FOCAD: variants seen among roughly 807,000 people sequenced by gnomAD.
The protein encoded by FOCAD is focadhesin.
FOCAD carries 198 observed loss-of-function variants against 225.6 expected under a neutral mutation model. The ratio of observed to expected loss-of-function variants is 0.88; its 90% CI spans 0.78 to 0.99. The LOEUF (loss-of-function observed/expected upper bound fraction) is 0.99, where lower values mean the gene tolerates loss of function less well. Among genes scored for constraint, FOCAD ranks in the 50% least tolerant of loss-of-function variants. The pLI is 0.00. For missense variants in FOCAD, 2,713 were observed against 2,123.6 expected (o/e 1.28, Z -5.46); for synonymous variants, 897 against 755.0 (o/e 1.19, Z -3.08).
rs143720638 is a variant in FOCAD, at chr9:20,912,901, T to C, written c.2754T>C (p.His918=). Residue 918 remains histidine (H), a synonymous_variant, in exon 23 of 44, where the codon CAT becomes CAC. Transcript: ENST00000338382. Reference sequence around the variant, plus strand: ...GAGAGCTGGAGTTGCAGTTAAAACATGGAAAAGAAGAACCTGAGGAGGTGC... The same window carrying C: ...GAGAGCTGGAGTTGCAGTTAAAACACGGAAAAGAAGAACCTGAGGAGGTGC... ...RLGELELQLK[H]GKEEPEEVQY... is the part of the protein sequence containing the mutation. 38 of 1,613,266 alleles carry C rather than the reference T, an allele frequency of 2.4e-5. No individual in the cohort carries two copies. The African/African-American group carries it at 3.1e-4, about 13-fold the overall frequency.
chr9:20,722,773 T>A (rs1310493349), intron 4 of FOCAD, among the ~76,000 whole-genome samples: 1 of 152,248 alleles, frequency 6.6e-6, no homozygotes, highest in Non-Finnish European at 1.5e-5. Context: ...CATTTATTGG[T>A]TGATCTTGTG....
intron 4 of FOCAD, among the ~76,000 whole-genome samples, chr9:20,733,237 G>T (rs922840460): frequency 6.6e-6 from 1 of 152,064 alleles, no homozygotes; most frequent in Non-Finnish European, 1.5e-5. Context: ...ACATGTTTTT[G>T]TGTCTGTGCT....
chr9:20,801,090 C>T (rs893543281), intron 11 of FOCAD, among the ~76,000 whole-genome samples: 8 of 152,226 alleles, frequency 5.3e-5, no homozygotes, highest in African/African-American at 1.2e-4. Flanking sequence ...ACTTCAGGTG[C>T]GTTGGAGTTT....
At chr9:20,686,889 A>G (rs1161262502) in intron 1 of FOCAD, among the ~76,000 whole-genome samples, 1 of 152,178 alleles carries the variant, frequency 6.6e-6, no homozygotes, top group Non-Finnish European at 1.5e-5. Flanking sequence ...CTCCATGTAA[A>G]TGATTTGAAA....
rs1564187407 is a variant in FOCAD, at chr9:20,944,793, A to G, written c.3555+19A>G. On this transcript the variant is annotated intron_variant, in intron 29 of 43. Coordinates refer to ENST00000338382, the MANE Select transcript of FOCAD (RefSeq NM_001375567.1). ...TCAGGAGGTAAGAGATGGAGGCTAC[A>G]TTTTTTTCCCCTCTGCTCTCTTTTG... The G allele has an allele frequency of 1.4e-5, 23 of 1,598,794 alleles. No individual in the cohort carries two copies. The highest frequency in any genetic ancestry group is 2.0e-5 in the Non-Finnish European group (23 of 1,169,230).
intron 1 of FOCAD, among the ~76,000 whole-genome samples, chr9:20,704,539 G>A (rs191866885): frequency 1.3e-5 from 2 of 152,148 alleles, no homozygotes; most frequent in Non-Finnish European, 1.5e-5. Flanking sequence ...TTTCCTAGCA[G>A]TCTACTTGGG....
intron 26 of FOCAD, 51 bp downstream of exon 26, chr9:20,926,468 T>C (rs751312790): frequency 1.0e-5 from 12 of 1,146,734 alleles, no homozygotes; most frequent in Non-Finnish European, 1.5e-5. Flanking sequence ...TTGACTCTTA[T>C]GACATCAGTT....
At chr9:20,722,006 T>TCCCTCCCTCCCG (rs1825825174) in intron 4 of FOCAD, among the ~76,000 whole-genome samples, 1 of 94,742 alleles carries the variant, frequency 1.1e-5, no homozygotes, top group African/African-American at 4.3e-5. Flanking sequence ...CCTCCCTCCC[T>TCCCTCCCTCCCG]TCCTTCCTTC....
chr9:20,719,777 G>GTTTTT (rs1825630710), intron 3 of FOCAD, among the ~76,000 whole-genome samples: 1 of 91,202 alleles, frequency 1.1e-5, no homozygotes, highest in Non-Finnish European at 2.4e-5. Context: ...GTTTTCCTAG[G>GTTTTT]CTTTTTTTTT....
At chr9:20,844,628 TG>T (rs1232134667) in intron 15 of FOCAD, among the ~76,000 whole-genome samples, 21 of 152,096 alleles carry the variant, frequency 1.4e-4, no homozygotes, top group African/African-American at 4.3e-4. Context: ...CCCAAAGTGC[TG>T]GGATTACAGG....
At chr9:20,705,177 A>G (rs1009668643) in intron 1 of FOCAD, among the ~76,000 whole-genome samples, 3 of 152,202 alleles carry the variant, frequency 2.0e-5, no homozygotes, top group African/African-American at 4.8e-5. Flanking sequence ...AGCCACATAC[A>G]TGGGTTTTAA....
intron 1 of FOCAD, among the ~76,000 whole-genome samples, chr9:20,699,757 AAAAAAAAAAAAAAAAAATATATAT>A (rs1253559634): frequency 3.4e-5 from 2 of 59,010 alleles, no homozygotes; most frequent in South Asian, 1.4e-3. Flanking sequence ...AAAAAAAAAA[AAAAAAAAAAAAAAAAAATATATAT>A]ATATATATAT....
chr9:20,783,548 T>A (rs772662410), intron 10 of FOCAD, among the ~76,000 whole-genome samples: 19 of 151,976 alleles, frequency 1.3e-4, no homozygotes, highest in Non-Finnish European at 2.1e-4. Flanking sequence ...CCAAATGTTC[T>A]CAGCCTCCCT....
intron 19 of FOCAD, among the ~76,000 whole-genome samples, chr9:20,880,955 A>T (rs1292076216): frequency 1.3e-5 from 2 of 152,282 alleles, no homozygotes; most frequent in African/African-American, 4.8e-5. Context: ...AGTCTTATCA[A>T]ATATTTTGTT....
At position 20,685,059 on chromosome 9, in the gene FOCAD, C is replaced by A. The variant is rs560297498; in HGVS notation, c.-33+766C>A. Among the ~76,000 whole-genome samples the A allele has an allele frequency of 4.7e-4, 72 of 152,296 alleles. 1 individual carries two copies. Among genetic ancestry groups the A allele is most frequent in the African/African-American group, 1.6e-3 (67 of 41,574 alleles). ...TGAATGAAATCCTGCCAATTTCATG[C>A]AGTCATTCATTCATACATTCCAAAC... On this transcript the variant is annotated intron_variant, in intron 1 of 43. Transcript: ENST00000338382.
chr9:20,866,888 CTTTTTTTTTTTTTTTTT>C (rs10629839), intron 17 of FOCAD, 24 bp from the exon 18 acceptor site: 23 of 342,106 alleles, frequency 6.7e-5, no homozygotes, highest in Admixed American at 3.3e-4. Context: ...TGTTTGCTTG[CTTTTTTTTTTTTTTTTT>C]TTTTTTTTTT....
At chr9:20,932,581 T>C (rs182419048) in intron 27 of FOCAD, among the ~76,000 whole-genome samples, 9 of 152,290 alleles carry the variant, frequency 5.9e-5, no homozygotes, top group Non-Finnish European at 1.3e-4. Flanking sequence ...AACTGAGACA[T>C]GAAATCAGAA....
At chr9:20,667,077 A>G (rs1249937579) in intron 2 of FOCAD, among the ~76,000 whole-genome samples, 1 of 152,206 alleles carries the variant, frequency 6.6e-6, no homozygotes, top group Non-Finnish European at 1.5e-5. Context: ...AGTTTCCTCC[A>G]TTGTTCTCTG....
chr9:20,875,308 C>T (rs1396270554), intron 19 of FOCAD: 1 of 155,180 alleles, frequency 6.4e-6, no homozygotes, highest in Non-Finnish European at 1.4e-5. Flanking sequence ...ATTGTATGGT[C>T]ATTCAGCTTT....
Sources: allele counts gnomAD v4.1 joint callset (sites outside exome capture counted in the v4.1 genomes callset), GRCh38; gene constraint gnomAD v4.1.1; transcripts MANE v1.5; gene names NCBI Gene and HGNC (gene_info 2026-07-23, HGNC 2026-07-21).